KCND2: variants seen among roughly 807,000 people sequenced by gnomAD.
KCND2 encodes the protein A-type voltage-gated potassium channel KCND2.
Under a neutral mutation model 54.4 loss-of-function variants are expected in KCND2, and 16 were observed. The observed-to-expected ratio is 0.29, with a 90% CI of 0.20 to 0.45. KCND2 has a LOEUF of 0.45. Among genes scored for constraint, KCND2 ranks in the 20% least tolerant of loss-of-function variants. The pLI is 1.00. For synonymous variants in KCND2, 317 were observed against 310.7 expected (o/e 1.02, Z -0.21); for missense variants, 486 against 824.2 (o/e 0.59, Z 5.02).
chr7:120,569,915 A>G (rs2116424145), intron 1 of KCND2, among the ~76,000 whole-genome samples: 1 of 152,268 alleles, frequency 6.6e-6, no homozygotes, highest in South Asian at 2.1e-4. Context: ...GATCTTTCGG[A>G]CACAGATTGA....
intron 1 of KCND2, among the ~76,000 whole-genome samples, chr7:120,478,186 G>A (rs985252920): frequency 1.1e-4 from 16 of 152,002 alleles, no homozygotes; most frequent in African/African-American, 3.6e-4. Flanking sequence ...TAGGTTTTAG[G>A]ATCACCCCTA....
intron 1 of KCND2, among the ~76,000 whole-genome samples, chr7:120,629,047 G>A: frequency 6.6e-6 from 1 of 152,142 alleles, no homozygotes; most frequent in East Asian, 1.9e-4. Flanking sequence ...ACGGAAGAAC[G>A]CTCTGATAAG....
At chr7:120,518,746 G>A (rs1023132817) in intron 1 of KCND2, among the ~76,000 whole-genome samples, 11 of 152,158 alleles carry the variant, frequency 7.2e-5, no homozygotes, top group African/African-American at 2.4e-4. Flanking sequence ...TTTGCCATAG[G>A]TTTACCAAAA....
chr7:120,479,412 A>G (rs1294044745), intron 1 of KCND2, among the ~76,000 whole-genome samples: 3 of 151,910 alleles, frequency 2.0e-5, no homozygotes, highest in African/African-American at 7.2e-5. Context: ...TTTGATTAAA[A>G]TATTTATATA....
At chr7:120,302,397 C>A (rs1022624060) in intron 1 of KCND2, among the ~76,000 whole-genome samples, 5 of 152,064 alleles carry the variant, frequency 3.3e-5, no homozygotes, top group African/African-American at 1.2e-4. Flanking sequence ...ATACTGGAGA[C>A]TAGCGGTGTG....
intron 1 of KCND2, among the ~76,000 whole-genome samples, chr7:120,662,028 G>A (rs548892657): frequency 6.6e-6 from 1 of 152,250 alleles, no homozygotes; most frequent in South Asian, 2.1e-4. Context: ...TATTATAAAA[G>A]TATTTAGGTT....
At chr7:120,402,779 T>C (rs1257686006) in intron 1 of KCND2, among the ~76,000 whole-genome samples, 1 of 152,212 alleles carries the variant, frequency 6.6e-6, no homozygotes. Context: ...CATAGTTTGC[T>C]TACATAATCT....
At chr7:120,565,901 T>C (rs1268801785) in intron 1 of KCND2, among the ~76,000 whole-genome samples, 2 of 152,214 alleles carry the variant, frequency 1.3e-5, no homozygotes, top group East Asian at 1.9e-4. Flanking sequence ...TTCAGTGATC[T>C]AACACAAGGA....
intron 1 of KCND2, among the ~76,000 whole-genome samples, chr7:120,339,422 T>C (rs1800206156): frequency 6.6e-6 from 1 of 152,094 alleles, no homozygotes; most frequent in Admixed American, 6.6e-5. Context: ...TTATCCTATA[T>C]ACATAATTAT....
chr7:120,683,949 G>A (rs1027319102), intron 1 of KCND2, among the ~76,000 whole-genome samples: 5 of 152,054 alleles, frequency 3.3e-5, no homozygotes, highest in Admixed American at 2.6e-4. Context: ...TGCTGCTGGC[G>A]GGAAACAGCC....
chr7:120,458,072 T>C (rs577220019), intron 1 of KCND2, among the ~76,000 whole-genome samples: 3 of 152,174 alleles, frequency 2.0e-5, no homozygotes, highest in Non-Finnish European at 4.4e-5. Context: ...GAGAACCAAC[T>C]CACTATCACA....
At chr7:120,651,590 T>C (rs1562898966) in intron 1 of KCND2, among the ~76,000 whole-genome samples, 2 of 152,210 alleles carry the variant, frequency 1.3e-5, no homozygotes, top group East Asian at 3.9e-4. Flanking sequence ...TTGCCCTGCT[T>C]CAGCTCACGC....
chr7:120,733,114 AT>A, intron 2 of KCND2, 49 bp downstream of exon 2: 2 of 1,590,374 alleles, frequency 1.3e-6, no homozygotes, highest in Non-Finnish European at 1.7e-6. Context: ...CCCACTTTTT[AT>A]AATGAGCTTT....
chr7:120,384,436 C>G (rs902174316), intron 1 of KCND2, among the ~76,000 whole-genome samples: 2 of 152,108 alleles, frequency 1.3e-5, no homozygotes, highest in Non-Finnish European at 2.9e-5. Flanking sequence ...CTTCTCCTTG[C>G]GCTCCACCAG....
At chr7:120,529,186 C>T (rs1186386429) in intron 1 of KCND2, among the ~76,000 whole-genome samples, 1 of 152,126 alleles carries the variant, frequency 6.6e-6, no homozygotes, top group African/African-American at 2.4e-5. Flanking sequence ...TTCTTGCCTA[C>T]CCCTCTTGAG....
At chr7:120,684,903 A>G (rs1233223012) in intron 1 of KCND2, among the ~76,000 whole-genome samples, 1 of 151,972 alleles carries the variant, frequency 6.6e-6, no homozygotes, top group Non-Finnish European at 1.5e-5. Context: ...GTCTCCCATC[A>G]CTCCCAGATA....
At chr7:120,576,469 A>G (rs1321036165) in intron 1 of KCND2, among the ~76,000 whole-genome samples, 1 of 152,186 alleles carries the variant, frequency 6.6e-6, no homozygotes, top group Non-Finnish European at 1.5e-5. Flanking sequence ...GAACGACTAT[A>G]TATTTGCCTT....
rs868679895 is a variant in KCND2 at position 120,323,642 on chromosome 7, G to A, written c.1115+47895G>A. Among the ~76,000 whole-genome samples, 19 of 145,850 alleles carry A rather than the reference G, an allele frequency of 1.3e-4. No homozygotes were observed. In the Middle Eastern group the frequency reaches 0.017, roughly 134 times the overall value. On this transcript the variant is annotated intron_variant, in intron 1 of 5. Transcript: ENST00000331113. ...AGGACATGAACTCATCATTTTTTAT[G>A]GCTGCATAGTATTCCATGGTGTATA...
At chr7:120,397,991 GTGTGTATATATATATATA>G (rs1195032395) in intron 1 of KCND2, among the ~76,000 whole-genome samples, 119 of 37,830 alleles carry the variant, frequency 3.1e-3, no homozygotes, top group African/African-American at 6.7e-3. Flanking sequence ...GTGTGTGTGT[GTGTGTATATATATATATA>G]TATATATATA....
Sources: gnomAD v4.1 joint callset for allele counts (sites outside exome capture counted in the v4.1 genomes callset) on GRCh38, gnomAD v4.1.1 for gene constraint, MANE v1.5 for transcripts, NCBI Gene and HGNC (gene_info 2026-07-23, HGNC 2026-07-21) for gene names.